The following DACH1 variants were observed in gnomAD, a reference collection of about 807,000 sequenced individuals.
DACH1 encodes the protein dachshund homolog 1.
DACH1 carries 12 observed loss-of-function variants against 54.2 expected under a neutral mutation model. The observed-to-expected ratio is 0.22, with a 90% confidence interval of 0.14 to 0.36. The LOEUF (loss-of-function observed/expected upper bound fraction) is 0.36, where lower values mean the gene tolerates loss of function less well. Ranked by LOEUF, DACH1 falls within the 10% of genes least tolerant of loss-of-function variation. DACH1 has a pLI of 1.00. For synonymous variants in DACH1, 386 were observed against 366.2 expected (o/e 1.05, Z -0.62); for missense variants, 805 against 929.8 (o/e 0.87, Z 1.75).
chr13:71,493,314 C>A (rs966685235), intron 6 of DACH1, among the ~76,000 whole-genome samples: 3 of 152,050 alleles, frequency 2.0e-5, no homozygotes, highest in Non-Finnish European at 4.4e-5. Context: ...GACTGAGGGC[C>A]AACCTCACGA....
At chr13:71,726,616 C>T (rs933562437) in intron 1 of DACH1, among the ~76,000 whole-genome samples, 3 of 151,916 alleles carry the variant, frequency 2.0e-5, no homozygotes, top group African/African-American at 4.8e-5. Context: ...CAGGAGTATA[C>T]ATCATTTCAG....
intron 1 of DACH1, among the ~76,000 whole-genome samples, chr13:71,720,925 C>A (rs1023741546): frequency 6.6e-6 from 1 of 152,102 alleles, no homozygotes; most frequent in South Asian, 2.1e-4. Flanking sequence ...TCATCACATA[C>A]TGAAAGGAAA....
rs184387097 is a variant in DACH1 at position 71,645,840 on chromosome 13, T to C, written c.965-15123A>G. 2.0e-4 allele frequency among the ~76,000 whole-genome samples: 31 copies of C among 152,286 alleles called. 1 individual carries two copies. In the East Asian group the frequency reaches 5.6e-3, roughly 27 times the overall value. On this transcript the variant is annotated intron_variant, in intron 2 of 10. Transcript: ENST00000613252. ...CAGCTTGACATAGATCCTAGGGTAA[T>C]AGAACACAGTTCTTTGATTGAAATA...
chr13:71,579,023 G>C (rs894142993), intron 3 of DACH1, among the ~76,000 whole-genome samples: 2 of 151,852 alleles, frequency 1.3e-5, no homozygotes, highest in Non-Finnish European at 2.9e-5. Context: ...TAAATAATTA[G>C]ATATTTTTCT....
intron 1 of DACH1, among the ~76,000 whole-genome samples, chr13:71,791,198 C>T (rs1886816049): frequency 6.6e-6 from 1 of 152,158 alleles, no homozygotes; most frequent in Admixed American, 6.5e-5. Flanking sequence ...TTACTTACAC[C>T]TAAAAGTGTG....
chr13:71,493,872 A>G (rs757044293), intron 6 of DACH1, among the ~76,000 whole-genome samples: 18 of 152,184 alleles, frequency 1.2e-4, no homozygotes, highest in Non-Finnish European at 1.0e-4. Flanking sequence ...ATGAATATCT[A>G]TGTAATATCT....
intron 7 of DACH1, among the ~76,000 whole-genome samples, chr13:71,484,750 T>C (rs1216977700): frequency 6.6e-6 from 1 of 152,178 alleles, no homozygotes; most frequent in African/African-American, 2.4e-5. Context: ...CACAACCCTA[T>C]GTGCCAAAAG....
chr13:71,617,462 C>T (rs1277190347), intron 3 of DACH1, among the ~76,000 whole-genome samples: 1 of 152,164 alleles, frequency 6.6e-6, no homozygotes, highest in Non-Finnish European at 1.5e-5. Flanking sequence ...CCACAAATCA[C>T]TCCAGATTCC....
intron 10 of DACH1, among the ~76,000 whole-genome samples, chr13:71,444,731 A>G (rs1874296615): frequency 6.6e-6 from 1 of 152,132 alleles, no homozygotes; most frequent in Non-Finnish European, 1.5e-5. Flanking sequence ...AAAGACCCAT[A>G]TTTACATTAA....
intron 3 of DACH1, among the ~76,000 whole-genome samples, chr13:71,586,972 T>A (rs1004078672): frequency 2.0e-5 from 3 of 152,092 alleles, no homozygotes; most frequent in African/African-American, 4.8e-5. Flanking sequence ...TCTGGAAAGC[T>A]TAAAACCTGG....
rs149212291 is a variant in DACH1 at position 71,530,276 on chromosome 13, T to A, written c.1570+26748A>T. 2.7e-3 allele frequency among the ~76,000 whole-genome samples: 414 copies of A among 152,240 alleles called. 1 individual carries two copies. The highest frequency in any genetic ancestry group is 9.5e-3 in the African/African-American group (393 of 41,536). Reference sequence around the variant, plus strand: ...TTATTGCTATATATCAATTCAGAGGTCACATTGCACTTGCAGAAAGAGAAA... The same window carrying A: ...TTATTGCTATATATCAATTCAGAGGACACATTGCACTTGCAGAAAGAGAAA... On this transcript the variant is annotated intron_variant, in intron 6 of 10. Transcript: ENST00000613252.
intron 6 of DACH1, among the ~76,000 whole-genome samples, chr13:71,551,417 T>A (rs913833251): frequency 6.6e-6 from 1 of 152,162 alleles, no homozygotes; most frequent in African/African-American, 2.4e-5. Flanking sequence ...ATTTCATCTA[T>A]CTAACTGTGT....
intron 10 of DACH1, among the ~76,000 whole-genome samples, chr13:71,466,446 A>ACTT (rs1488040081): frequency 6.6e-6 from 1 of 152,096 alleles, no homozygotes; most frequent in Non-Finnish European, 1.5e-5. Context: ...CCCTCTCTAA[A>ACTT]CTTCCACTTT....
chr13:71,667,454 TA>T (rs754437329), intron 2 of DACH1, among the ~76,000 whole-genome samples: 1 of 152,112 alleles, frequency 6.6e-6, no homozygotes, highest in Non-Finnish European at 1.5e-5. Flanking sequence ...TGATCAATTT[TA>T]AAAAATCAAA....
intron 3 of DACH1, among the ~76,000 whole-genome samples, chr13:71,592,411 T>C (rs1156807970): frequency 6.7e-6 from 1 of 149,186 alleles, no homozygotes; most frequent in African/African-American, 2.5e-5. Flanking sequence ...GGGAGGATCA[T>C]TTGAGCCCAG....
intron 1 of DACH1, chr13:71,704,562 C>T: frequency 2.2e-6 from 1 of 461,854 alleles, no homozygotes; most frequent in Non-Finnish European, 4.4e-6. Flanking sequence ...AACTGAAGCA[C>T]CAGCCTGCTC....
chr13:71,824,281 T>C (rs1236901613), intron 1 of DACH1, among the ~76,000 whole-genome samples: 1 of 151,772 alleles, frequency 6.6e-6, no homozygotes, highest in Non-Finnish European at 1.5e-5. Context: ...GGGACTCAGT[T>C]ATATTCAACA....
At chr13:71,659,034 T>C (rs1480519735) in intron 2 of DACH1, among the ~76,000 whole-genome samples, 1 of 152,152 alleles carries the variant, frequency 6.6e-6, no homozygotes, top group African/African-American at 2.4e-5. Flanking sequence ...AAGAAATGCC[T>C]TTTAACCAGA....
At chr13:71,597,945 C>T (rs1566368174) in intron 3 of DACH1, among the ~76,000 whole-genome samples, 1 of 151,632 alleles carries the variant, frequency 6.6e-6, no homozygotes, top group Non-Finnish European at 1.5e-5. Context: ...GGTGAAACCA[C>T]ATTTCTACCA....
Sources: allele counts gnomAD v4.1 joint callset (sites outside exome capture counted in the v4.1 genomes callset), GRCh38; gene constraint gnomAD v4.1.1; transcripts MANE v1.5; gene names NCBI Gene and HGNC (gene_info 2026-07-23, HGNC 2026-07-21).